ATG16L1: variants seen among roughly 807,000 people sequenced by gnomAD.
ATG16L1 encodes autophagy-related protein 16-1.
ATG16L1 carries 37 observed loss-of-function variants against 88.5 expected under a neutral mutation model. That is an observed-to-expected ratio of 0.42 (90% CI 0.32 to 0.55). ATG16L1 has a LOEUF of 0.55. Among genes scored for constraint, ATG16L1 ranks in the 20% least tolerant of loss-of-function variants. The pLI is 0.13. For missense variants in ATG16L1, 554 were observed against 752.8 expected, an observed-to-expected ratio of 0.74 and a Z score of 3.09; for synonymous variants, 301 against 281.0, an observed-to-expected ratio of 1.07 and a Z score of -0.71.
At chr2:233,258,811 C>T (rs1044554949) in intron 2 of ATG16L1, among the ~76,000 whole-genome samples, 2 of 152,126 alleles carry the variant, frequency 1.3e-5, no homozygotes, top group African/African-American at 4.8e-5. Flanking sequence ...ATCCTCCTGC[C>T]TTAGCCTTCT....
intron 17 of ATG16L1, 113 bp downstream of exon 17, chr2:233,293,470 C>A: frequency 2.1e-6 from 2 of 961,322 alleles, no homozygotes; most frequent in South Asian, 1.4e-5. Flanking sequence ...ACTGTCCGCC[C>A]ACCTGCTCGG....
intron 1 of ATG16L1, among the ~76,000 whole-genome samples, chr2:233,255,485 C>T (rs1300132832): frequency 3.9e-5 from 6 of 152,200 alleles, no homozygotes; most frequent in African/African-American, 1.2e-4. Context: ...GATCTGTTAG[C>T]GTAACGGCCT....
At position 233,251,955 on chromosome 2, in the gene ATG16L1, G is replaced by C. The variant is rs1172353382; in HGVS notation, c.115+13G>C. On this transcript the variant is annotated intron_variant, in intron 1 of 17. Transcript: ENST00000392017. The stretch of plus-strand genomic sequence containing the variant: ...ATCATCCTGCAGTGTGAGCGGCGCC[G>C]GTGCGGGCTGGGAGTGGGGCGGGCG... 5 of 1,532,934 alleles carry C rather than the reference G, an allele frequency of 3.3e-6. No individual in the cohort carries two copies. In the East Asian group the frequency reaches 1.3e-4, roughly 39 times the overall value. The allele number at this position is 1,532,934 out of a possible 1,614,324, so 95.0% of individuals were successfully genotyped here.
intron 10 of ATG16L1, among the ~76,000 whole-genome samples, chr2:233,279,771 A>G (rs1698605086): frequency 6.6e-6 from 1 of 151,224 alleles, no homozygotes; most frequent in Non-Finnish European, 1.5e-5. Flanking sequence ...CCAACCCCGT[A>G]TCTTGTAGAT....
At chr2:233,253,769 A>G (rs6431655) in intron 1 of ATG16L1, among the ~76,000 whole-genome samples, 105,167 of 152,074 alleles carry the variant, frequency 0.69, 36,702 homozygotes, top group South Asian at 0.8. Flanking sequence ...AAGAAGAAAG[A>G]GGATGCTTTG....
intron 7 of ATG16L1, 99 bp downstream of exon 7, chr2:233,273,151 C>T: frequency 1.1e-6 from 1 of 941,262 alleles, no homozygotes; most frequent in Non-Finnish European, 1.7e-6. Flanking sequence ...TGCACCCAAC[C>T]CCTTACCCCT....
intron 5 of ATG16L1, 89 bp downstream of exon 5, chr2:233,265,232 C>G: frequency 1.3e-6 from 2 of 1,486,280 alleles, no homozygotes; most frequent in South Asian, 1.3e-5. Flanking sequence ...CTGGCAGTTA[C>G]TACAGGAGGT....
chr2:233,259,274 T>C (rs781416904), intron 2 of ATG16L1, among the ~76,000 whole-genome samples: 16 of 152,190 alleles, frequency 1.1e-4, no homozygotes, highest in Non-Finnish European at 2.2e-4. Flanking sequence ...AATCTAGCTT[T>C]GTGGTTCCTC....
chr2:233,271,002 C>T (rs1054103615), intron 6 of ATG16L1, among the ~76,000 whole-genome samples: 1 of 152,206 alleles, frequency 6.6e-6, no homozygotes, highest in Non-Finnish European at 1.5e-5. Flanking sequence ...GTTCCCATAT[C>T]ATGCCTTTGC....
At chr2:233,253,014 A>G (rs1224715272) in intron 1 of ATG16L1, among the ~76,000 whole-genome samples, 3 of 152,226 alleles carry the variant, frequency 2.0e-5, no homozygotes, top group Non-Finnish European at 4.4e-5. Flanking sequence ...TTAAAAAATT[A>G]CAAATCCCAA....
intron 8 of ATG16L1, chr2:233,274,361 A>C: frequency 2.2e-6 from 1 of 444,950 alleles, no homozygotes; most frequent in Admixed American, 3.8e-5. Context: ...TAGCTGTTAC[A>C]TTAAGTTGAG....
In ATG16L1 at chr2:233,269,993, T is replaced by C. The variant is rs201531906; in HGVS notation, c.642-9T>C. The stretch of plus-strand genomic sequence containing the variant: ...AAATGGTGGGCTTTTTTTTTTTTTT[T>C]CCCAACAGGAGGCGGCAAGCCCGGC... On this transcript the variant is annotated splice_polypyrimidine_tract_variant and intron_variant, in intron 5 of 17. Coordinates refer to ENST00000392017, the MANE Select transcript of ATG16L1 (RefSeq NM_030803.7). 830 of 1,560,200 alleles carry C rather than the reference T, an allele frequency of 5.3e-4. 1 individual carries two copies. The highest frequency in any genetic ancestry group is 4.8e-3 in the African/African-American group (335 of 69,910).
chr2:233,251,919 C>G lies in ATG16L1; in HGVS notation c.92C>G (p.Ala31Gly), dbSNP rs751160626. ...LRRRDRLQRQ[A>G]FEEIILQYNK... ...CGCCGGGACCGGCTGCAGAGACAGG[C>G]GTTCGAGGAGATCATCCTGCAGTGT... is the stretch of plus-strand genomic sequence containing the variant. The change falls in exon 1 of 18, where the codon GCG becomes GGG. Residue 31 changes from alanine (A) to glycine (G), a missense_variant. By Grantham distance (60) the Ala-to-Gly change is moderately conservative. Around this residue, in one of 5 missense-constraint regions of ATG16L1, gnomAD observed 101 missense variants for 107.0 expected, o/e 0.94. Coordinates refer to ENST00000392017, the MANE Select transcript of ATG16L1 (RefSeq NM_030803.7). The G allele has an allele frequency of 2.6e-6, 4 of 1,549,652 alleles. No individual in the cohort carries two copies. Among genetic ancestry groups the G allele is most frequent in the Non-Finnish European group, 3.5e-6 (4 of 1,147,250 alleles).
chr2:233,256,749 C>T (rs185744219), intron 2 of ATG16L1, among the ~76,000 whole-genome samples: 27 of 150,622 alleles, frequency 1.8e-4, no homozygotes, highest in African/African-American at 5.4e-4. Flanking sequence ...GGCCGGAGTA[C>T]AGTGGCACGA....
intron 6 of ATG16L1, among the ~76,000 whole-genome samples, chr2:233,270,398 T>G (rs531281188): frequency 6.6e-6 from 1 of 152,332 alleles, no homozygotes; most frequent in East Asian, 1.9e-4. Flanking sequence ...TTGACCCTAT[T>G]TCTGATTACT....
intron 5 of ATG16L1, among the ~76,000 whole-genome samples, chr2:233,269,687 C>T (rs541819804): frequency 6.6e-6 from 1 of 152,328 alleles, no homozygotes; most frequent in South Asian, 2.1e-4. Context: ...GACTAACCCT[C>T]AGTGAGCCTG....
intron 8 of ATG16L1, chr2:233,274,284 G>C (rs1698194517): frequency 2.0e-6 from 1 of 504,734 alleles, no homozygotes; most frequent in East Asian, 3.0e-5. Context: ...CAAGTGATGA[G>C]GTTGATTCTA....
intron 12 of ATG16L1, chr2:233,288,877 A>C: frequency 1.9e-6 from 1 of 519,216 alleles, no homozygotes; most frequent in Non-Finnish European, 3.8e-6. Context: ...TTAGTCACAA[A>C]GGGATTTGAT....
chr2:233,251,705 T>C lies in ATG16L1; in HGVS notation c.-123T>C. ...CCCGGATGGCCTCGGGGACTGCCAG[T>C]GTGTGGAGGTGAGCTCCGGGATTGC... On this transcript the variant is annotated 5_prime_UTR_variant, in exon 1 of 18. Transcript: ENST00000392017. The C allele has an allele frequency of 1.2e-6, 1 of 821,160 alleles. No homozygotes were observed. The highest frequency in any genetic ancestry group is 1.5e-5 in the South Asian group (1 of 67,126). The allele number at this position is 821,160 out of a possible 1,614,324, so 50.9% of individuals were successfully genotyped here.
Sources: allele counts gnomAD v4.1 joint callset (sites outside exome capture counted in the v4.1 genomes callset), GRCh38; gene constraint gnomAD v4.1.1; regional missense constraint gnomAD v4.1.1; transcripts MANE v1.5; gene names NCBI Gene and HGNC (gene_info 2026-07-23, HGNC 2026-07-21).